Variants in ICAM1 observed in about 807,000 individuals in gnomAD.
ICAM1 encodes intercellular adhesion molecule 1.
ICAM1 carries 28 observed loss-of-function variants against 42.3 expected under a neutral mutation model. That is an observed-to-expected ratio of 0.66 (90% CI 0.49 to 0.91). The LOEUF (loss-of-function observed/expected upper bound fraction) is 0.91. ICAM1 is among the 40% of genes least tolerant of loss of function. ICAM1 has a pLI of 0.00. For synonymous variants in ICAM1, 304 were observed against 305.9 expected (o/e 0.99, Z 0.07); for missense variants, 637 against 688.6 (o/e 0.93, Z 0.84).
Position 10,285,412 on chromosome 19 carries a change from G to A in ICAM1, c.*125G>A. On this transcript the variant is annotated 3_prime_UTR_variant, in exon 7 of 7. Transcript: ENST00000264832. ...ACCGGCCCTGGGACGCCGGAGGACA[G>A]GGCATTGTCCTCAGTCAGATACAAC... 3.5e-6 allele frequency: 3 copies of A among 864,968 alleles called. No homozygotes were observed. 53.6% of individuals were successfully genotyped at this position (864,968 alleles called of 1,614,324 possible).
chr19:10,278,714 G>A (rs1362699137), intron 2 of ICAM1, among the ~76,000 whole-genome samples: 1 of 151,808 alleles, frequency 6.6e-6, no homozygotes, highest in Non-Finnish European at 1.5e-5. Flanking sequence ...GCTAATTTTT[G>A]TATTTTTAGT....
Position 10,271,177 on chromosome 19 carries a change from C to G in ICAM1, c.18C>G (p.Pro6=). 6.2e-7 allele frequency: 1 copy of G among 1,613,218 alleles called. No individual in the cohort carries two copies. The highest frequency in any genetic ancestry group is 8.5e-7 in the Non-Finnish European group (1 of 1,179,826). Residue 6 remains proline, a synonymous_variant, in exon 1 of 7, where the codon CCC becomes CCG. Coordinates refer to ENST00000264832, the MANE Select transcript of ICAM1 (RefSeq NM_000201.3). MAPSS[P]RPALPALLVL... The stretch of plus-strand genomic sequence containing the variant: ...GCCTCGCTATGGCTCCCAGCAGCCC[C>G]CGGCCCGCGCTGCCCGCACTCCTGG...
At position 10,271,238 on chromosome 19, in the gene ICAM1, TG is replaced by T; in HGVS notation, c.67+16del. ...GGCTCTGTTCCCAGGTGAGTCGGGG[TG>T]GGGATTGCCGTCGGGCCAGTTCTCC... On this transcript the variant is annotated intron_variant, in intron 1 of 6. Transcript: ENST00000264832. The T allele has an allele frequency of 6.2e-7, 1 of 1,611,384 alleles. No homozygotes were observed. Among genetic ancestry groups the T allele is most frequent in the Non-Finnish European group, 8.5e-7 (1 of 1,178,876 alleles).
intron 2 of ICAM1, among the ~76,000 whole-genome samples, chr19:10,279,473 T>G (rs1420201380): frequency 1.3e-5 from 2 of 151,762 alleles, no homozygotes; most frequent in African/African-American, 2.4e-5. Context: ...ACCCAGGAAT[T>G]TTTTTGTTTT....
chr19:10,279,155 G>T (rs1189504380), intron 2 of ICAM1, among the ~76,000 whole-genome samples: 1 of 152,144 alleles, frequency 6.6e-6, no homozygotes, highest in Non-Finnish European at 1.5e-5. Flanking sequence ...GGATGTGTAG[G>T]AGTTCATAAG....
rs766981270 is a variant in ICAM1, at chr19:10,285,024, G to C, written c.1422G>C (p.Val474=). ...GEVTRKVTVN[V]LSPRYEIVII... Reference sequence around the variant, plus strand: ...TCACCCGCAAGGTGACCGTGAATGTGCTCTGTGAGTGAGCCGGCGGGCAGA... The same window carrying C: ...TCACCCGCAAGGTGACCGTGAATGTCCTCTGTGAGTGAGCCGGCGGGCAGA... The change falls in exon 6 of 7, where the codon GTG becomes GTC. Residue 474 remains valine (V), a synonymous_variant. Coordinates refer to ENST00000264832, the MANE Select transcript of ICAM1 (RefSeq NM_000201.3). 6.2e-6 allele frequency: 10 copies of C among 1,613,658 alleles called. No homozygotes were observed. In the South Asian group the frequency reaches 9.9e-5, roughly 16 times the overall value.
At chr19:10,276,992 GAAAT>G (rs2040022297) in intron 2 of ICAM1, among the ~76,000 whole-genome samples, 2 of 143,388 alleles carry the variant, frequency 1.4e-5, no homozygotes, top group South Asian at 4.5e-4. Flanking sequence ...AAAAAAAAAA[GAAAT>G]AAAAGAAGGT....
At chr19:10,274,689 C>T in intron 1 of ICAM1, 76 bp from the exon 2 acceptor site, 7 of 1,519,844 alleles carry the variant, frequency 4.6e-6, no homozygotes, top group Non-Finnish European at 5.4e-6. Context: ...CTCCAGCACC[C>T]AGCACAGGCT....
chr19:10,285,997 G>C lies in ICAM1; in HGVS notation c.*710G>C, dbSNP rs1254817013. On this transcript the variant is annotated 3_prime_UTR_variant, in exon 7 of 7. Coordinates refer to ENST00000264832, the MANE Select transcript of ICAM1 (RefSeq NM_000201.3). ...TCATTGGCCAACCTGCCTTTCCCCA[G>C]AAGGAGTGATTTTTCTATCGGCACA... 1 of 152,424 alleles carries C rather than the reference G, an allele frequency of 6.6e-6. No individual in the cohort carries two copies. Among genetic ancestry groups the C allele is most frequent in the Non-Finnish European group, 1.5e-5 (1 of 68,138 alleles). 9.4% of individuals were successfully genotyped at this position (152,424 alleles called of 1,614,324 possible).
chr19:10,284,492 A>C lies in ICAM1; in HGVS notation c.1015A>C (p.Lys339Gln). 6.2e-7 allele frequency: 1 copy of C among 1,614,024 alleles called. No individual in the cohort carries two copies. Among genetic ancestry groups the C allele is most frequent in the Non-Finnish European group, 8.5e-7 (1 of 1,179,984 alleles). ...TVKCEAHPRA[K>Q]VTLNGVPAQP... ...GAAGTGTGAGGCCCACCCTAGAGCC[A>C]AGGTGACGCTGAATGGGGTTCCAGC... is the stretch of plus-strand genomic sequence containing the variant. Residue 339 changes from lysine to glutamine, a missense_variant, in exon 5 of 7, where the codon AAG (lysine) becomes CAG (glutamine). Physicochemically the swap from Lys to Gln is moderately conservative, Grantham distance 53. Coordinates refer to ENST00000264832, the MANE Select transcript of ICAM1 (RefSeq NM_000201.3). This position sits in a 1 kb window ranked among gnomAD's most constrained non-coding sequence, Gnocchi z 5.4.
In ICAM1 at chr19:10,284,870, GGAA is replaced by G; in HGVS notation, c.1269_1271del (p.Asn424del). On this transcript the variant is annotated inframe_deletion, in exon 6 of 7. Transcript: ENST00000264832. The surrounding 1 kb of genome is among the most constrained non-coding windows in gnomAD (Gnocchi z 5.4). ...CAGACTCCAATGTGCCAGGCTTGGG[GGAA>G]CCCATTGCCCGAGCTCAAGTGTCTA... 1 of 1,595,726 alleles carries G rather than the reference GGAA, an allele frequency of 6.3e-7. No homozygotes were observed. Among genetic ancestry groups the G allele is most frequent in the African/African-American group, 1.4e-5 (1 of 73,850 alleles).
rs754014530 is a variant in ICAM1, at chr19:10,284,069, G to C, written c.674G>C (p.Arg225Pro). 6.2e-7 allele frequency: 1 copy of C among 1,613,842 alleles called. No homozygotes were observed. Among genetic ancestry groups the C allele is most frequent in the South Asian group, 1.1e-5 (1 of 91,064 alleles). The part of the protein sequence containing the change: ...PATPPQLVSP[R>P]VLEVDTQGTV... Reference sequence around the variant, plus strand: ...ACTCCCCCACAACTTGTCAGCCCCCGGGTCCTAGAGGTGGACACGCAGGGG... The same window carrying C: ...ACTCCCCCACAACTTGTCAGCCCCCCGGTCCTAGAGGTGGACACGCAGGGG... The change falls in exon 4 of 7, where the codon CGG becomes CCG. Residue 225 changes from arginine (R) to proline (P), a missense_variant. By Grantham distance (103) the Arg-to-Pro change is moderately radical. Transcript: ENST00000264832. This position sits in a 1 kb window ranked among gnomAD's most constrained non-coding sequence, Gnocchi z 5.4.
chr19:10,271,892 A>G (rs541575069), intron 1 of ICAM1, among the ~76,000 whole-genome samples: 7 of 152,194 alleles, frequency 4.6e-5, no homozygotes, highest in African/African-American at 1.4e-4. Flanking sequence ...GCTCCAGCCC[A>G]GCTAGGGAAG....
Position 10,284,692 on chromosome 19 carries a change from C to T in ICAM1, c.1180+35C>T. On this transcript the variant is annotated intron_variant, in intron 5 of 6. Coordinates refer to ENST00000264832, the MANE Select transcript of ICAM1 (RefSeq NM_000201.3). This position sits in a 1 kb window ranked among gnomAD's most constrained non-coding sequence, Gnocchi z 5.4. ...GCTGCTGGTCAATGGCCCCTATCCC[C>T]CAAGGCCCAATCTCCCTGAAGGTCC... The T allele has an allele frequency of 6.2e-7, 1 of 1,612,992 alleles. No individual in the cohort carries two copies. The highest frequency in any genetic ancestry group is 8.5e-7 in the Non-Finnish European group (1 of 1,179,524).
rs775326738 is a variant in ICAM1, at chr19:10,284,344, G to A, written c.925+24G>A. ...CAGTAAGAAGGGGCAGGGGCGGAGT[G>A]GGGCTTCTTGGGGGTGTGACCTGAA... On this transcript the variant is annotated intron_variant, in intron 4 of 6. Transcript: ENST00000264832. This position sits in a 1 kb window ranked among gnomAD's most constrained non-coding sequence, Gnocchi z 5.4. 1.2e-5 allele frequency: 19 copies of A among 1,611,690 alleles called. No homozygotes were observed. In the South Asian group the frequency reaches 1.2e-4, roughly 10 times the overall value.
rs2040096382 is a variant in ICAM1, at chr19:10,285,324, C to A, written c.*37C>A. 1 of 1,596,188 alleles carries A rather than the reference C, an allele frequency of 6.3e-7. No homozygotes were observed. Among genetic ancestry groups the A allele is most frequent in the Non-Finnish European group, 8.6e-7 (1 of 1,168,116 alleles). On this transcript the variant is annotated 3_prime_UTR_variant, in exon 7 of 7. Coordinates refer to ENST00000264832, the MANE Select transcript of ICAM1 (RefSeq NM_000201.3). ...GACAGGGCCTCTTCCTCGGCCTTCC[C>A]ATATTGGTGGCAGTGGTGCCACACT...
chr19:10,276,109 G>A (rs1244885374), intron 2 of ICAM1, among the ~76,000 whole-genome samples: 1 of 151,436 alleles, frequency 6.6e-6, no homozygotes, highest in Non-Finnish European at 1.5e-5. Context: ...TGGGAGGATT[G>A]CTTTAACCCA....
chr19:10,282,274 G>A (rs2040065946), intron 2 of ICAM1: 1 of 151,796 alleles, frequency 6.6e-6, no homozygotes. Context: ...TTGAGATGGA[G>A]TCTCGCTCTG....
At chr19:10,273,216 G>A (rs574310597) in intron 1 of ICAM1, among the ~76,000 whole-genome samples, 1 of 152,234 alleles carries the variant, frequency 6.6e-6, no homozygotes, top group South Asian at 2.1e-4. Flanking sequence ...TTCAGGGCCA[G>A]GCGCGGTGGC....
Sources: gnomAD v4.1 joint callset for allele counts (sites outside exome capture counted in the v4.1 genomes callset) on GRCh38, gnomAD v4.1.1 for gene constraint, Gnocchi (gnomAD v3.1) non-coding constraint, MANE v1.5 for transcripts, NCBI Gene and HGNC (gene_info 2026-07-23, HGNC 2026-07-21) for gene names.